Variants in INSL4 observed in about 807,000 individuals in gnomAD.
INSL4 encodes insulin like 4.
In INSL4, 7 loss-of-function variants were observed where a neutral mutation model predicts 6.5. The ratio of observed to expected loss-of-function variants is 1.08; its 90% CI spans 0.61 to 2.02. The LOEUF (loss-of-function observed/expected upper bound fraction) is 2.02, where lower values mean the gene tolerates loss of function less well. Ranked by LOEUF, INSL4 falls within the 30% of genes most tolerant of loss-of-function variation. The pLI is 0.00. For missense variants in INSL4, 226 were observed against 163.2 expected, an observed-to-expected ratio of 1.38 and a Z score of -2.09; for synonymous variants, 82 against 65.8, an observed-to-expected ratio of 1.25 and a Z score of -1.19.
chr9:5,231,684 C>G lies in INSL4; in HGVS notation c.161C>G (p.Pro54Arg). 2 of 1,613,794 alleles carry G rather than the reference C, an allele frequency of 1.2e-6. No individual in the cohort carries two copies. Among genetic ancestry groups the G allele is most frequent in the East Asian group, 2.2e-5 (1 of 44,842 alleles). Residue 54 changes from proline to arginine, a missense_variant, in exon 1 of 2, where the codon CCA becomes CGA. Physicochemically the swap from Pro to Arg is moderately radical, Grantham distance 103 (BLOSUM62 -2). Coordinates refer to ENST00000239316, the MANE Select transcript of INSL4 (RefSeq NM_002195.2). ...PMPEKTFTTT[P>R]GGWLLESGRP... ...CCTGAGAAGACATTCACCACCACCCCAGGAGGGTGGCTGCTGGAATCTGGA... is the reference window on the plus strand; with the variant it reads ...CCTGAGAAGACATTCACCACCACCCGAGGAGGGTGGCTGCTGGAATCTGGA...
rs770869591 is a variant in INSL4, at chr9:5,231,548, C to G, written c.25C>G (p.Leu9Val). The change falls in exon 1 of 2, where the codon CTG becomes GTG. Residue 9 changes from leucine to valine, a missense_variant. Coordinates refer to ENST00000239316, the MANE Select transcript of INSL4 (RefSeq NM_002195.2). Reference protein sequence around the residue: MASLFRSYLPAIWLLLSQL... With the variant: MASLFRSYVPAIWLLLSQL... Reference sequence around the variant, plus strand: ...GATGGCCAGCCTGTTCCGGTCCTATCTGCCAGCAATCTGGCTGCTGCTGAG... The same window carrying G: ...GATGGCCAGCCTGTTCCGGTCCTATGTGCCAGCAATCTGGCTGCTGCTGAG... 2 of 1,613,416 alleles carry G rather than the reference C, an allele frequency of 1.2e-6. No homozygotes were observed. The highest frequency in any genetic ancestry group is 1.3e-5 in the African/African-American group (1 of 74,904).
Position 5,234,154 on chromosome 9 carries a change from C to A in INSL4, c.*277C>A. The A allele has an allele frequency of 3.0e-6, 1 of 336,292 alleles. No individual in the cohort carries two copies. Among genetic ancestry groups the A allele is most frequent in the Non-Finnish European group, 5.5e-6 (1 of 181,842 alleles). The allele number at this position is 336,292 out of a possible 1,614,324, so 20.8% of individuals were successfully genotyped here. ...AGCTAGAAGAGAATTGTAATGATTCCAACACAAAAAAGATGAATGTTAGTT... is the reference window on the plus strand; with the variant it reads ...AGCTAGAAGAGAATTGTAATGATTCAAACACAAAAAAGATGAATGTTAGTT... On this transcript the variant is annotated 3_prime_UTR_variant, in exon 2 of 2. Coordinates refer to ENST00000239316, the MANE Select transcript of INSL4 (RefSeq NM_002195.2).
At chr9:5,233,631 C>A in intron 1 of INSL4, 23 bp from the exon 2 acceptor site, 2 of 1,579,910 alleles carry the variant, frequency 1.3e-6, no homozygotes, top group Non-Finnish European at 1.7e-6. Context: ...CCTCACCTTT[C>A]ATTCCTCTCT....
In INSL4 at chr9:5,231,604, G is replaced by A. The variant is rs1826146207; in HGVS notation, c.81G>A (p.Glu27=). Residue 27 remains glutamate, a synonymous_variant, in exon 1 of 2, where the codon GAG becomes GAA. Transcript: ENST00000239316. ...TCCTTAGAGAAAGCCTAGCAGCAGA[G>A]CTGAGGGGATGTGGTCCCCGATTTG... The part of the protein sequence containing the change: ...SQLLRESLAA[E]LRGCGPRFGK... The A allele has an allele frequency of 6.2e-7, 1 of 1,613,934 alleles. No homozygotes were observed.
rs1826148509 is a variant in INSL4, at chr9:5,231,697, G to A, written c.174G>A (p.Leu58=). The A allele has an allele frequency of 6.2e-7, 1 of 1,613,720 alleles. No homozygotes were observed. Among genetic ancestry groups the A allele is most frequent in the Non-Finnish European group, 8.5e-7 (1 of 1,179,782 alleles). Residue 58 remains leucine, a synonymous_variant, in exon 1 of 2, where the codon CTG becomes CTA. Transcript: ENST00000239316. ...KTFTTTPGGW[L]LESGRPKEMV... ...TCACCACCACCCCAGGAGGGTGGCT[G>A]CTGGAATCTGGACGTCCCAAAGGTG...
rs760193494 is a variant in INSL4 at position 5,233,713 on chromosome 9, A to G, written c.256A>G (p.Ile86Val). The change falls in exon 2 of 2, where the codon ATT (isoleucine) becomes GTT (valine). Residue 86 changes from isoleucine to valine, a missense_variant. Physicochemically the swap from Ile to Val is conservative, Grantham distance 29. Coordinates refer to ENST00000239316, the MANE Select transcript of INSL4 (RefSeq NM_002195.2). The part of the protein sequence containing the change: ...GQALGTTSEF[I>V]PNLSPELKKP... The stretch of plus-strand genomic sequence containing the variant: ...AGCCTTAGGTACGACATCAGAATTC[A>G]TTCCTAATTTGTCACCAGAGCTGAA... 10 of 1,613,748 alleles carry G rather than the reference A, an allele frequency of 6.2e-6. No individual in the cohort carries two copies. Among genetic ancestry groups the G allele is most frequent in the Middle Eastern group, 1.7e-4 (1 of 6,056 alleles).
chr9:5,232,946 T>C (rs1334330327), intron 1 of INSL4, among the ~76,000 whole-genome samples: 1 of 152,186 alleles, frequency 6.6e-6, no homozygotes, highest in African/African-American at 2.4e-5. Flanking sequence ...TTTTTTTACA[T>C]TATTAGTCAG....
chr9:5,232,849 C>T (rs572078172), intron 1 of INSL4, among the ~76,000 whole-genome samples: 3 of 152,308 alleles, frequency 2.0e-5, no homozygotes, highest in Non-Finnish European at 4.4e-5. Flanking sequence ...TTCATTAAAT[C>T]ATTAAATGAC....
In INSL4 at chr9:5,235,288, G is replaced by A. The variant is rs1826210285; in HGVS notation, c.*1411G>A. 6.6e-6 allele frequency: 1 copy of A among 152,422 alleles called. No individual in the cohort carries two copies. The highest frequency in any genetic ancestry group is 2.4e-5 in the African/African-American group (1 of 41,436). 9.4% of individuals were successfully genotyped at this position (152,422 alleles called of 1,614,324 possible). A position where few individuals can be genotyped will look rare whatever the true frequency, so the allele number is the denominator to read the frequency against. Reference sequence around the variant, plus strand: ...GCTATGGGGTTTAGGCTGCATCCTGGAGTAAGGAAGAACTGCTCATGATCT... The same window carrying A: ...GCTATGGGGTTTAGGCTGCATCCTGAAGTAAGGAAGAACTGCTCATGATCT... On this transcript the variant is annotated 3_prime_UTR_variant, in exon 2 of 2. Transcript: ENST00000239316.
At chr9:5,232,855 A>G (rs759085423) in intron 1 of INSL4, among the ~76,000 whole-genome samples, 2 of 152,210 alleles carry the variant, frequency 1.3e-5, no homozygotes, top group Non-Finnish European at 2.9e-5. Context: ...AAATCATTAA[A>G]TGACTCTGTT....
chr9:5,231,746 C>G, intron 1 of INSL4, 27 bp downstream of exon 1: 4 of 1,599,756 alleles, frequency 2.5e-6, no homozygotes, highest in Non-Finnish European at 3.4e-6. Flanking sequence ...ACCAAACAAT[C>G]AGAATGAGGC....
Position 5,231,578 on chromosome 9 carries a change from C to T in INSL4, c.55C>T (p.Leu19Phe), listed in dbSNP as rs762046297. 1.2e-6 allele frequency: 2 copies of T among 1,613,886 alleles called. No individual in the cohort carries two copies. Among genetic ancestry groups the T allele is most frequent in the South Asian group, 2.2e-5 (2 of 91,068 alleles). ...LPAIWLLLSQ[L>F]LRESLAAELR... ...AGCAATCTGGCTGCTGCTGAGCCAA[C>T]TCCTTAGAGAAAGCCTAGCAGCAGA... Residue 19 changes from leucine (L) to phenylalanine (F), a missense_variant, in exon 1 of 2, where the codon CTC becomes TTC. Physicochemically the swap from Leu to Phe is conservative, Grantham distance 22. Coordinates refer to ENST00000239316, the MANE Select transcript of INSL4 (RefSeq NM_002195.2).
chr9:5,233,780 T>C lies in INSL4; in HGVS notation c.323T>C (p.Ile108Thr), dbSNP rs112091328. Reference protein sequence around the residue: ...SEGQPSLKKIILSRKKRSGRH... With the variant: ...SEGQPSLKKITLSRKKRSGRH... The stretch of plus-strand genomic sequence containing the variant: ...GGGCAGCCATCATTGAAGAAAATAA[T>C]ACTTTCCCGCAAAAAGAGAAGTGGA... Residue 108 changes from isoleucine to threonine, a missense_variant, in exon 2 of 2, where the codon ATA becomes ACA. By Grantham distance (89) the Ile-to-Thr change is moderately conservative. Transcript: ENST00000239316. The C allele has an allele frequency of 5.6e-6, 9 of 1,613,718 alleles. No homozygotes were observed. Among genetic ancestry groups the C allele is most frequent in the African/African-American group, 5.3e-5 (4 of 75,032 alleles).
rs1826193176 is a variant in INSL4, at chr9:5,234,223, T to C, written c.*346T>C. ...ACCCTGATTTGATCATTACACATTATATACACGTATCAAAATATCACATGT... is the reference window on the plus strand; with the variant it reads ...ACCCTGATTTGATCATTACACATTACATACACGTATCAAAATATCACATGT... On this transcript the variant is annotated 3_prime_UTR_variant, in exon 2 of 2. Transcript: ENST00000239316. 1 of 212,452 alleles carries C rather than the reference T, an allele frequency of 4.7e-6. No homozygotes were observed. Among genetic ancestry groups the C allele is most frequent in the South Asian group, 8.5e-5 (1 of 11,696 alleles). The allele number at this position is 212,452 out of a possible 1,614,324, so 13.2% of individuals were successfully genotyped here. A position where few individuals can be genotyped will look rare whatever the true frequency, so the allele number is the denominator to read the frequency against.
Position 5,231,727 on chromosome 9 carries a change from C to G in INSL4, c.196+8C>G. ...AATCTGGACGTCCCAAAGGTGAGAG[C>G]CCTGGACTACCAAACAATCAGAATG... On this transcript the variant is annotated splice_region_variant and intron_variant, in intron 1 of 1. Transcript: ENST00000239316. 1 of 1,611,538 alleles carries G rather than the reference C, an allele frequency of 6.2e-7. No individual in the cohort carries two copies. Among genetic ancestry groups the G allele is most frequent in the Non-Finnish European group, 8.5e-7 (1 of 1,178,324 alleles).
chr9:5,232,589 C>A (rs558409774), intron 1 of INSL4, among the ~76,000 whole-genome samples: 1 of 152,076 alleles, frequency 6.6e-6, no homozygotes, highest in African/African-American at 2.4e-5. Flanking sequence ...AAGTTCAATA[C>A]CAGGATAGTT....
At position 5,234,683 on chromosome 9, in the gene INSL4, T is replaced by C. The variant is rs1369518679; in HGVS notation, c.*806T>C. 6.6e-6 allele frequency: 1 copy of C among 152,304 alleles called. No homozygotes were observed. Among genetic ancestry groups the C allele is most frequent in the African/African-American group, 2.4e-5 (1 of 41,452 alleles). 9.4% of individuals were successfully genotyped at this position (152,304 alleles called of 1,614,324 possible). Reference sequence around the variant, plus strand: ...CATTCCTCTGGCTACACATACCTCCTCCCTATGTGTCTCTAAATCCTAAAT... The same window carrying C: ...CATTCCTCTGGCTACACATACCTCCCCCCTATGTGTCTCTAAATCCTAAAT... On this transcript the variant is annotated 3_prime_UTR_variant, in exon 2 of 2. Coordinates refer to ENST00000239316, the MANE Select transcript of INSL4 (RefSeq NM_002195.2).
At chr9:5,232,077 G>C (rs977228942) in intron 1 of INSL4, among the ~76,000 whole-genome samples, 1 of 152,020 alleles carries the variant, frequency 6.6e-6, no homozygotes, top group African/African-American at 2.4e-5. Flanking sequence ...AGGAAAGCTG[G>C]GCAGGCCAGA....
chr9:5,231,884 T>C (rs1826151993), intron 1 of INSL4, among the ~76,000 whole-genome samples, 165 bp downstream of exon 1: 1 of 152,098 alleles, frequency 6.6e-6, no homozygotes, highest in Admixed American at 6.6e-5. Flanking sequence ...ACCAGAAATC[T>C]CATGGGAAGT....
Sources: gnomAD v4.1 joint callset for allele counts (sites outside exome capture counted in the v4.1 genomes callset) on GRCh38, gnomAD v4.1.1 for gene constraint, MANE v1.5 for transcripts, NCBI Gene and HGNC (gene_info 2026-07-23, HGNC 2026-07-21) for gene names.